Variants in TRPM3 observed in about 807,000 individuals in gnomAD.
TRPM3 encodes transient receptor potential cation channel subfamily M member 3, also known as long transient receptor potential channel 3.
A neutral mutation model predicts 181.2 loss-of-function variants in TRPM3; 77 were observed. The observed-to-expected ratio is 0.42, with a 90% CI of 0.35 to 0.51. TRPM3 has a LOEUF of 0.51. Among genes scored for constraint, TRPM3 ranks in the 20% least tolerant of loss-of-function variants. TRPM3 has a pLI of 0.01. For synonymous variants in TRPM3, 745 were observed against 796.4 expected (o/e 0.94, Z 1.09); for missense variants, 1,759 against 2,196.7 (o/e 0.80, Z 3.98).
At chr9:70,643,035 G>A (rs761046750) in intron 9 of TRPM3, among the ~76,000 whole-genome samples, 12 of 152,094 alleles carry the variant, frequency 7.9e-5, no homozygotes, top group Non-Finnish European at 1.2e-4. Flanking sequence ...GCTTATTATC[G>A]ACCACATACT....
intron 1 of TRPM3, among the ~76,000 whole-genome samples, chr9:71,411,803 A>C (rs1362049879): frequency 6.6e-6 from 1 of 152,202 alleles, no homozygotes; most frequent in African/African-American, 2.4e-5. Context: ...AATACTAAGC[A>C]AAAAGAACAA....
chr9:70,801,314 C>G (rs903377977), intron 6 of TRPM3, among the ~76,000 whole-genome samples: 1 of 152,182 alleles, frequency 6.6e-6, no homozygotes, highest in Non-Finnish European at 1.5e-5. Context: ...CCAAGGCTCA[C>G]CGTTGCCCCT....
intron 1 of TRPM3, among the ~76,000 whole-genome samples, chr9:71,130,016 ATAACT>A (rs1208664017): frequency 6.6e-6 from 1 of 152,236 alleles, no homozygotes; most frequent in Non-Finnish European, 1.5e-5. Flanking sequence ...ATGTTTCTAA[ATAACT>A]TATATGATTT....
chr9:71,243,536 C>T (rs1285029723), intron 1 of TRPM3, among the ~76,000 whole-genome samples: 1 of 152,224 alleles, frequency 6.6e-6, no homozygotes, highest in Non-Finnish European at 1.5e-5. Context: ...GTCTGTCTCT[C>T]TGAGATGTAA....
At chr9:70,689,944 T>C (rs986560053) in intron 8 of TRPM3, among the ~76,000 whole-genome samples, 1 of 152,054 alleles carries the variant, frequency 6.6e-6, no homozygotes, top group African/African-American at 2.4e-5. Flanking sequence ...TTAAATAAGA[T>C]AAGGATATAA....
At chr9:71,226,259 A>G (rs1308098318) in intron 1 of TRPM3, among the ~76,000 whole-genome samples, 1 of 152,116 alleles carries the variant, frequency 6.6e-6, no homozygotes, top group Non-Finnish European at 1.5e-5. Flanking sequence ...GAAGATGGAA[A>G]GGAAAAAAGA....
intron 1 of TRPM3, among the ~76,000 whole-genome samples, chr9:71,119,018 A>G (rs2073048476): frequency 6.6e-6 from 1 of 152,172 alleles, no homozygotes; most frequent in Non-Finnish European, 1.5e-5. Context: ...AGAAACATAC[A>G]ACAATCCATA....
At chr9:71,254,251 G>A (rs1023198523) in intron 1 of TRPM3, among the ~76,000 whole-genome samples, 1 of 152,178 alleles carries the variant, frequency 6.6e-6, no homozygotes, top group South Asian at 2.1e-4. Flanking sequence ...TAAACCAAGC[G>A]CAGAAAGGTA....
At chr9:71,049,443 G>A (rs1186462358) in intron 1 of TRPM3, among the ~76,000 whole-genome samples, 2 of 152,048 alleles carry the variant, frequency 1.3e-5, no homozygotes, top group Admixed American at 1.3e-4. Context: ...AAAATATATT[G>A]TATTAACACT....
At chr9:70,927,229 G>C (rs1367563236) in intron 1 of TRPM3, among the ~76,000 whole-genome samples, 1 of 152,284 alleles carries the variant, frequency 6.6e-6, no homozygotes, top group East Asian at 1.9e-4. Context: ...TATATAGAAG[G>C]TTTGGAGATT....
intron 1 of TRPM3, among the ~76,000 whole-genome samples, chr9:71,138,552 T>G (rs76346017): frequency 6.6e-6 from 1 of 152,198 alleles, no homozygotes; most frequent in African/African-American, 2.4e-5. Flanking sequence ...TCTTTTTTTT[T>G]CAGTTTGGTT....
chr9:70,694,764 G>A (rs1383284063), intron 8 of TRPM3, among the ~76,000 whole-genome samples: 1 of 152,244 alleles, frequency 6.6e-6, no homozygotes, highest in African/African-American at 2.4e-5. Flanking sequence ...ACAGGCGTAA[G>A]CCACCATGCC....
chr9:71,051,215 C>T (rs1316145948), intron 1 of TRPM3, among the ~76,000 whole-genome samples: 2 of 152,136 alleles, frequency 1.3e-5, no homozygotes, highest in Non-Finnish European at 2.9e-5. Flanking sequence ...GATTTGTGGC[C>T]TCAGCCTCTA....
At chr9:71,394,614 T>C (rs754755779) in intron 1 of TRPM3, among the ~76,000 whole-genome samples, 5 of 152,214 alleles carry the variant, frequency 3.3e-5, no homozygotes, top group Non-Finnish European at 7.3e-5. Flanking sequence ...CAGTAACTTA[T>C]ATTTTTTTGG....
chr9:71,191,766 G>A (rs1475212532), intron 1 of TRPM3, among the ~76,000 whole-genome samples: 7 of 145,814 alleles, frequency 4.8e-5, no homozygotes, highest in Non-Finnish European at 1.1e-4. Flanking sequence ...TCTGTACAGA[G>A]TCCCTAAAGA....
chr9:70,836,244 AT>A (rs1308913565), intron 5 of TRPM3, among the ~76,000 whole-genome samples: 2 of 151,918 alleles, frequency 1.3e-5, no homozygotes, highest in Non-Finnish European at 2.9e-5. Context: ...TCTAGGAGTT[AT>A]TCATCACTTA....
At chr9:70,578,176 G>A (rs2054559533) in intron 22 of TRPM3, among the ~76,000 whole-genome samples, 1 of 151,888 alleles carries the variant, frequency 6.6e-6, no homozygotes, top group African/African-American at 2.4e-5. Flanking sequence ...TGGGGGGTTT[G>A]ATTCCCCTTT....
At chr9:71,116,290 T>C (rs1157764521) in intron 1 of TRPM3, among the ~76,000 whole-genome samples, 2 of 152,222 alleles carry the variant, frequency 1.3e-5, no homozygotes, top group African/African-American at 4.8e-5. Context: ...CTGTCCAGGC[T>C]AAGCAAAGTT....
At chr9:71,356,662 T>C (rs567999561) in intron 1 of TRPM3, among the ~76,000 whole-genome samples, 9 of 152,294 alleles carry the variant, frequency 5.9e-5, no homozygotes, top group African/African-American at 1.7e-4. Context: ...ATCTGGCCCA[T>C]AGTAATTTCT....
Sources: gnomAD v4.1 joint callset for allele counts (sites outside exome capture counted in the v4.1 genomes callset) on GRCh38, gnomAD v4.1.1 for gene constraint, MANE v1.5 for transcripts, NCBI Gene and HGNC (gene_info 2026-07-23, HGNC 2026-07-21) for gene names.